Variants in MTRF1 observed in about 807,000 individuals in gnomAD.
MTRF1 encodes mitochondrial translation release factor 1.
Under a neutral mutation model 62.9 loss-of-function variants are expected in MTRF1, and 51 were observed. That is an observed-to-expected ratio of 0.81 (90% CI 0.65 to 1.02). MTRF1 has a LOEUF of 1.02. Ranked by LOEUF, MTRF1 falls within the 50% of genes least tolerant of loss-of-function variation. The pLI is 0.00. For missense variants in MTRF1, 446 were observed against 530.0 expected (o/e 0.84, Z 1.56); for synonymous variants, 158 against 181.9 (o/e 0.87, Z 1.06).
the MTRF1 span, among the ~76,000 whole-genome samples, chr13:41,285,788 T>A: frequency 1.3e-5 from 2 of 151,976 alleles, no homozygotes; most frequent in African/African-American, 2.4e-5. Flanking sequence ...TCCAGCCCAA[T>A]GGGAAAACTG....
At chr13:41,296,712 TAA>T in the MTRF1 span, among the ~76,000 whole-genome samples, 1 of 152,086 alleles carries the variant, frequency 6.6e-6, no homozygotes. Flanking sequence ...ATTGCTATGT[TAA>T]AGTTATATTT....
At chr13:41,218,555 G>A (rs1359177604) in intron 9 of MTRF1, among the ~76,000 whole-genome samples, 4 of 152,134 alleles carry the variant, frequency 2.6e-5, no homozygotes, top group Non-Finnish European at 5.9e-5. Flanking sequence ...CTGAAGTCTC[G>A]TCTACAGTTC....
chr13:41,225,518 G>A (rs1472845272), intron 8 of MTRF1, among the ~76,000 whole-genome samples: 58 of 152,148 alleles, frequency 3.8e-4, no homozygotes, highest in Non-Finnish European at 4.4e-5. Context: ...CTGCAAGTTA[G>A]CGTGTAGGTA....
intron 5 of MTRF1, among the ~76,000 whole-genome samples, chr13:41,246,590 T>A (rs73179131): frequency 1.3e-5 from 2 of 152,154 alleles, no homozygotes; most frequent in Non-Finnish European, 2.9e-5. Flanking sequence ...GATAATAATC[T>A]TCATACCAAA....
At chr13:41,239,935 C>A (rs1282192974) in intron 6 of MTRF1, among the ~76,000 whole-genome samples, 1 of 152,030 alleles carries the variant, frequency 6.6e-6, no homozygotes, top group Admixed American at 6.5e-5. Flanking sequence ...GCGAGACAGG[C>A]GGACTGCCCG....
the MTRF1 span, among the ~76,000 whole-genome samples, chr13:41,289,003 C>T: frequency 6.6e-6 from 1 of 152,218 alleles, no homozygotes; most frequent in African/African-American, 2.4e-5. Flanking sequence ...AAAGCTGACC[C>T]TCTTACAACT....
At chr13:41,265,755 A>G (rs2040827559), upstream of MTRF1, among the ~76,000 whole-genome samples, 1 of 152,222 alleles carries the variant, frequency 6.6e-6, no homozygotes, top group African/African-American at 2.4e-5. Flanking sequence ...TGAAACCTAC[A>G]TTGCTGCCAC....
In MTRF1 at chr13:41,225,261, C is replaced by T. The variant is rs551835443; in HGVS notation, c.1125+1171G>A. Among the ~76,000 whole-genome samples the T allele has an allele frequency of 8.8e-5, 13 of 147,072 alleles. No individual in the cohort carries two copies. The East Asian group carries it at 9.9e-4, about 11-fold the overall frequency. Reference sequence around the variant, plus strand: ...CAACGCCTGGTGCCAAAATGTTAAACGGCAAGTAAATCCAAATGTCTTTTT... The same window carrying T: ...CAACGCCTGGTGCCAAAATGTTAAATGGCAAGTAAATCCAAATGTCTTTTT... On this transcript the variant is annotated intron_variant, in intron 8 of 9. Coordinates refer to ENST00000379480, the MANE Select transcript of MTRF1 (RefSeq NM_004294.4).
At chr13:41,263,290 CT>C in intron 1 of MTRF1, 194 bp downstream of exon 1, 1 of 1,289,388 alleles carries the variant, frequency 7.8e-7, no homozygotes, top group Non-Finnish European at 1.0e-6. Flanking sequence ...AACAGCACGA[CT>C]TCTCCATTAC....
At chr13:41,269,867 C>G in the MTRF1 span, among the ~76,000 whole-genome samples, 1 of 152,180 alleles carries the variant, frequency 6.6e-6, no homozygotes, top group Non-Finnish European at 1.5e-5. Context: ...TCCAGGCTGT[C>G]CTTGTTCATT....
the MTRF1 span, among the ~76,000 whole-genome samples, chr13:41,291,031 G>A: frequency 6.6e-6 from 1 of 151,422 alleles, no homozygotes. Context: ...GGGAGGCGGA[G>A]GTTGCAGTGA....
At chr13:41,276,616 T>C in the MTRF1 span, among the ~76,000 whole-genome samples, 13 of 152,220 alleles carry the variant, frequency 8.5e-5, no homozygotes, top group South Asian at 4.1e-4. Context: ...GGAGGTGATC[T>C]GATCTAGCCA....
intron 7 of MTRF1, among the ~76,000 whole-genome samples, chr13:41,232,596 T>G (rs1408404374): frequency 6.6e-6 from 1 of 152,230 alleles, no homozygotes; most frequent in Non-Finnish European, 1.5e-5. Context: ...TACAAAGCCT[T>G]GAAATATTTA....
chr13:41,299,491 AT>A, the MTRF1 span, among the ~76,000 whole-genome samples: 5 of 152,118 alleles, frequency 3.3e-5, no homozygotes, highest in Non-Finnish European at 7.3e-5. Flanking sequence ...TATGAGATCA[AT>A]TTTTTTCTAG....
rs906347928 is a variant in MTRF1 at position 41,244,229 on chromosome 13, C to A, written c.698-3796G>T. ...TAAAATCCTTAACTCAACTTTCTTT[C>A]TTTCAGTGAACTCTCTCTCTGGCAC... On this transcript the variant is annotated intron_variant, in intron 5 of 9. Coordinates refer to ENST00000379480, the MANE Select transcript of MTRF1 (RefSeq NM_004294.4). 3.3e-5 allele frequency among the ~76,000 whole-genome samples: 5 copies of A among 152,100 alleles called. No individual in the cohort carries two copies. The South Asian group carries it at 1.0e-3, about 31-fold the overall frequency.
the MTRF1 span, among the ~76,000 whole-genome samples, chr13:41,299,009 G>A: frequency 5.9e-5 from 9 of 151,990 alleles, no homozygotes; most frequent in Non-Finnish European, 1.2e-4. Flanking sequence ...GCAAAACCCC[G>A]TTTCTACTAA....
the MTRF1 span, among the ~76,000 whole-genome samples, chr13:41,284,159 T>C: frequency 6.6e-6 from 1 of 150,518 alleles, no homozygotes; most frequent in Non-Finnish European, 1.5e-5. Context: ...CTGGGCAACA[T>C]GGGGAGACAC....
chr13:41,296,255 T>C, the MTRF1 span, among the ~76,000 whole-genome samples: 1 of 152,136 alleles, frequency 6.6e-6, no homozygotes, highest in South Asian at 2.1e-4. Flanking sequence ...AAACTTTTCA[T>C]GAAGATGAGA....
the MTRF1 span, among the ~76,000 whole-genome samples, chr13:41,277,883 C>T: frequency 6.6e-6 from 1 of 152,186 alleles, no homozygotes; most frequent in Non-Finnish European, 1.5e-5. Flanking sequence ...CCTTAGCATA[C>T]AACAGATATC....
Sources: gnomAD v4.1 joint callset for allele counts (sites outside exome capture counted in the v4.1 genomes callset) on GRCh38, gnomAD v4.1.1 for gene constraint, MANE v1.5 for transcripts, NCBI Gene and HGNC (gene_info 2026-07-23, HGNC 2026-07-21) for gene names.